Variants in EYA2 observed in about 807,000 individuals in gnomAD.
The protein encoded by EYA2 is protein phosphatase EYA2.
Under a neutral mutation model 69.2 loss-of-function variants are expected in EYA2, and 31 were observed. That is an observed-to-expected ratio of 0.45 (90% CI 0.34 to 0.60). The LOEUF (loss-of-function observed/expected upper bound fraction) is 0.60, where lower values mean the gene tolerates loss of function less well. EYA2 is among the 20% of genes least tolerant of loss of function. EYA2 has a pLI of 0.02. For synonymous variants in EYA2, 257 were observed against 279.4 expected (o/e 0.92, Z 0.80); for missense variants, 622 against 701.2 (o/e 0.89, Z 1.28).
At chr20:46,896,260 TC>T (rs1410318498) in intron 1 of EYA2, among the ~76,000 whole-genome samples, 1 of 152,182 alleles carries the variant, frequency 6.6e-6, no homozygotes, top group Non-Finnish European at 1.5e-5. Context: ...CAATTGTATT[TC>T]AAACCGAATC....
intron 12 of EYA2, among the ~76,000 whole-genome samples, chr20:47,176,082 T>C (rs868411737): frequency 0.018 from 2,644 of 147,930 alleles, 110 homozygotes; most frequent in East Asian, 0.18. Flanking sequence ...AATTCTTTTT[T>C]TTTTTTTTTT....
rs756651001 is a variant in EYA2 at position 47,097,086 on chromosome 20, G to A, written c.806G>A (p.Arg269His). Reference sequence around the variant, plus strand: ...TTCTCTTCCTCTCTTTCATCACAGCGTGTGTTCGTGTGGGACTTGGATGAG... The same window carrying A: ...TTCTCTTCCTCTCTTTCATCACAGCATGTGTTCGTGTGGGACTTGGATGAG... ...PSPAGDNEIE[R>H]VFVWDLDETI... The change falls in exon 9 of 16, where the codon CGT (arginine) becomes CAT (histidine). Residue 269 changes from arginine (R) to histidine (H), a missense_variant and splice_region_variant. Arg to His is a conservative substitution (Grantham distance 29). Transcript: ENST00000327619. The A allele has an allele frequency of 4.4e-6, 7 of 1,607,828 alleles. No homozygotes were observed. The highest frequency in any genetic ancestry group is 3.4e-5 in the Admixed American group (2 of 58,978).
intron 1 of EYA2, among the ~76,000 whole-genome samples, chr20:46,940,933 C>G (rs1002245557): frequency 1.3e-5 from 2 of 152,210 alleles, no homozygotes; most frequent in Non-Finnish European, 2.9e-5. Context: ...CCCCTAGCCT[C>G]CTGACTCCAT....
At chr20:47,036,226 T>A (rs1568737418) in intron 5 of EYA2, among the ~76,000 whole-genome samples, 1 of 151,972 alleles carries the variant, frequency 6.6e-6, no homozygotes, top group Non-Finnish European at 1.5e-5. Flanking sequence ...TAGCATGAAG[T>A]AAGAGAGGCA....
At chr20:46,952,864 A>G (rs1444817963) in intron 1 of EYA2, among the ~76,000 whole-genome samples, 1 of 152,194 alleles carries the variant, frequency 6.6e-6, no homozygotes, top group Non-Finnish European at 1.5e-5. Context: ...ATTCCCAATT[A>G]TCTTAAGATG....
At chr20:46,966,223 G>A (rs753642680) in intron 1 of EYA2, among the ~76,000 whole-genome samples, 2 of 152,116 alleles carry the variant, frequency 1.3e-5, no homozygotes, top group Admixed American at 6.5e-5. Flanking sequence ...CTGGGTTCAC[G>A]TGATCCTGCC....
chr20:47,016,848 A>G (rs1450482347), intron 5 of EYA2, among the ~76,000 whole-genome samples: 1 of 152,228 alleles, frequency 6.6e-6, no homozygotes, highest in African/African-American at 2.4e-5. Context: ...GAGAAAGAGC[A>G]AGGCGCAATC....
chr20:46,916,325 ATG>A (rs1317323496), intron 1 of EYA2, among the ~76,000 whole-genome samples: 1 of 152,144 alleles, frequency 6.6e-6, no homozygotes, highest in Non-Finnish European at 1.5e-5. Flanking sequence ...GAAAGGGTGT[ATG>A]TGAATATGTG....
At chr20:46,981,753 G>A (rs1386128052) in intron 1 of EYA2, among the ~76,000 whole-genome samples, 2 of 151,942 alleles carry the variant, frequency 1.3e-5, no homozygotes, top group African/African-American at 2.4e-5. Flanking sequence ...GTATTGTGTT[G>A]TATTCATATT....
At chr20:47,164,861 C>CA (rs1453570772) in intron 10 of EYA2, among the ~76,000 whole-genome samples, 1 of 152,060 alleles carries the variant, frequency 6.6e-6, no homozygotes, top group East Asian at 1.9e-4. Flanking sequence ...CCCATTGCTT[C>CA]AAAAAAATTT....
chr20:47,057,139 G>A (rs768230762), intron 5 of EYA2, among the ~76,000 whole-genome samples: 9 of 129,180 alleles, frequency 7.0e-5, no homozygotes, highest in East Asian at 2.5e-4. Flanking sequence ...AGGAAGGAGG[G>A]AGGAAGGAAG....
At chr20:47,099,471 C>T (rs1361424872) in intron 9 of EYA2, among the ~76,000 whole-genome samples, 2 of 152,190 alleles carry the variant, frequency 1.3e-5, no homozygotes, top group Non-Finnish European at 1.5e-5. Context: ...GAGCTATGAT[C>T]GCACCACTGC....
At chr20:46,970,227 C>A (rs572603769) in intron 1 of EYA2, among the ~76,000 whole-genome samples, 1 of 152,196 alleles carries the variant, frequency 6.6e-6, no homozygotes, top group Non-Finnish European at 1.5e-5. Flanking sequence ...GTGAATTCAT[C>A]TTTTTCTCAA....
chr20:46,935,102 G>A (rs925029972), intron 1 of EYA2, among the ~76,000 whole-genome samples: 4 of 152,216 alleles, frequency 2.6e-5, no homozygotes, highest in African/African-American at 9.7e-5. Flanking sequence ...AGACGGGAGT[G>A]GCTAAGACTT....
chr20:47,149,382 C>T (rs2033771994), intron 10 of EYA2, among the ~76,000 whole-genome samples: 1 of 152,126 alleles, frequency 6.6e-6, no homozygotes, highest in Non-Finnish European at 1.5e-5. Flanking sequence ...GCTCATCACA[C>T]CACCGAAACT....
chr20:46,935,150 T>C (rs1252402703), intron 1 of EYA2, among the ~76,000 whole-genome samples: 2 of 152,212 alleles, frequency 1.3e-5, no homozygotes, highest in Admixed American at 6.5e-5. Context: ...GCATCAGCTC[T>C]ACTCAGGGCC....
intron 9 of EYA2, among the ~76,000 whole-genome samples, chr20:47,127,906 G>A (rs1046674884): frequency 6.6e-6 from 1 of 152,246 alleles, no homozygotes; most frequent in Non-Finnish European, 1.5e-5. Flanking sequence ...TAGCGTTGCT[G>A]ACAGACCAAG....
intron 5 of EYA2, among the ~76,000 whole-genome samples, chr20:47,063,387 G>A (rs1214850929): frequency 5.4e-5 from 6 of 111,432 alleles, no homozygotes; most frequent in Admixed American, 9.2e-5. Flanking sequence ...GTGTGTGTGC[G>A]TGTGCGTGTG....
At chr20:47,146,077 G>A (rs1186715293) in intron 10 of EYA2, among the ~76,000 whole-genome samples, 1 of 152,074 alleles carries the variant, frequency 6.6e-6, no homozygotes, top group African/African-American at 2.4e-5. Flanking sequence ...GTGGAGGTTG[G>A]GGGAGAGAGA....
Sources: gnomAD v4.1 joint callset for allele counts (sites outside exome capture counted in the v4.1 genomes callset) on GRCh38, gnomAD v4.1.1 for gene constraint, MANE v1.5 for transcripts, NCBI Gene and HGNC (gene_info 2026-07-23, HGNC 2026-07-21) for gene names.